Variants in MAP2 observed in about 807,000 individuals in gnomAD.
The protein encoded by MAP2 is microtubule associated protein 2.
MAP2 carries 14 observed loss-of-function variants against 137.6 expected under a neutral mutation model. The ratio of observed to expected loss-of-function variants is 0.10; its 90% CI spans 0.07 to 0.16. The LOEUF is 0.16. MAP2 is among the 10% of genes least tolerant of loss of function. MAP2 has a pLI of 1.00. For missense variants in MAP2, 2,088 were observed against 2,191.5 expected (o/e 0.95, Z 0.94); for synonymous variants, 786 against 782.3 (o/e 1.00, Z -0.08).
At chr2:209,638,398 A>G (rs1161060335) in intron 4 of MAP2, among the ~76,000 whole-genome samples, 1 of 152,102 alleles carries the variant, frequency 6.6e-6, no homozygotes, top group African/African-American at 2.4e-5. Flanking sequence ...GCTACTTTCA[A>G]CTTAGAATTC....
At chr2:209,518,827 G>A (rs2062883613) in intron 2 of MAP2, among the ~76,000 whole-genome samples, 1 of 152,082 alleles carries the variant, frequency 6.6e-6, no homozygotes, top group East Asian at 1.9e-4. Flanking sequence ...CTGAACACAT[G>A]GGAACTAGAT....
chr2:209,498,817 G>C (rs2060051830), intron 1 of MAP2, among the ~76,000 whole-genome samples: 1 of 152,170 alleles, frequency 6.6e-6, no homozygotes, highest in South Asian at 2.1e-4. Flanking sequence ...ATGGGGCCCT[G>C]GACCTGGCCC....
chr2:209,531,808 C>T (rs896291881), intron 2 of MAP2, among the ~76,000 whole-genome samples: 1 of 152,042 alleles, frequency 6.6e-6, no homozygotes, highest in Non-Finnish European at 1.5e-5. Context: ...GGGCATTGAC[C>T]AAATTAGGGT....
intron 4 of MAP2, among the ~76,000 whole-genome samples, chr2:209,652,922 C>A (rs1218100063): frequency 6.6e-6 from 1 of 152,054 alleles, no homozygotes; most frequent in East Asian, 1.9e-4. Context: ...TGTAGAATGA[C>A]ATTGATCTTA....
intron 1 of MAP2, among the ~76,000 whole-genome samples, chr2:209,472,274 G>T (rs577737120): frequency 6.6e-6 from 1 of 152,332 alleles, no homozygotes; most frequent in South Asian, 2.1e-4. Context: ...GCAAGTGTGT[G>T]TCTGGGCTGT....
At chr2:209,570,939 C>G (rs1325154025) in intron 2 of MAP2, among the ~76,000 whole-genome samples, 2 of 151,898 alleles carry the variant, frequency 1.3e-5, no homozygotes, top group African/African-American at 4.8e-5. Flanking sequence ...CAAATACTTT[C>G]ACTTGTTGCC....
At position 209,710,503 on chromosome 2, in the gene MAP2, C is replaced by T. The variant is rs979567625; in HGVS notation, c.5073+249C>T. 1.6e-5 allele frequency: 6 copies of T among 374,468 alleles called. No individual in the cohort carries two copies. In the Middle Eastern group the frequency reaches 2.2e-3, roughly 137 times the overall value. The allele number at this position is 374,468 out of a possible 1,614,324, so 23.2% of individuals were successfully genotyped here. The stretch of plus-strand genomic sequence containing the variant: ...TACCAACTTTTAGTTGATTGACTAA[C>T]TTTTTTTTTTTCTGAATGTATCTCT... On this transcript the variant is annotated intron_variant, in intron 13 of 15. Coordinates refer to ENST00000682079, the MANE Select transcript of MAP2 (RefSeq NM_001375505.1).
At chr2:209,716,470 GATGACTTTGA>G (rs1351979596) in intron 13 of MAP2, among the ~76,000 whole-genome samples, 1 of 152,232 alleles carries the variant, frequency 6.6e-6, no homozygotes, top group Non-Finnish European at 1.5e-5. Context: ...TGTGGTGCAG[GATGACTTTGA>G]ATGTGGCCCA....
At chr2:209,509,958 A>G (rs1249823027) in intron 2 of MAP2, among the ~76,000 whole-genome samples, 3 of 151,628 alleles carry the variant, frequency 2.0e-5, no homozygotes, top group Non-Finnish European at 4.4e-5. Context: ...AATGAATAGC[A>G]TCTTAGATTT....
At chr2:209,620,661 TCTGCTTTCCTATTTAAAAGA>T (rs1304902312) in intron 3 of MAP2, among the ~76,000 whole-genome samples, 1 of 152,198 alleles carries the variant, frequency 6.6e-6, no homozygotes, top group Admixed American at 6.6e-5. Flanking sequence ...TATGTTGGCA[TCTGCTTTCCTATTTAAAAGA>T]CTGCTTGAAT....
At chr2:209,566,119 C>G (rs767340676) in intron 2 of MAP2, among the ~76,000 whole-genome samples, 25 of 152,202 alleles carry the variant, frequency 1.6e-4, no homozygotes, top group Non-Finnish European at 2.5e-4. Context: ...CAAGATAATC[C>G]TCATGATAGG....
intron 5 of MAP2, chr2:209,661,762 T>TTTGGC (rs1392732753): frequency 1.1e-6 from 1 of 886,920 alleles, no homozygotes; most frequent in East Asian, 1.2e-4. Context: ...AATCATAATA[T>TTTGGC]TTGGCTTGGC....
chr2:209,696,061 C>G lies in MAP2; in HGVS notation c.3891C>G (p.Thr1297=), dbSNP rs1280770940. The G allele has an allele frequency of 6.2e-7, 1 of 1,614,070 alleles. No individual in the cohort carries two copies. The highest frequency in any genetic ancestry group is 8.5e-7 in the Non-Finnish European group (1 of 1,180,010). Residue 1297 remains threonine, a synonymous_variant, in exon 8 of 16, where the codon ACC becomes ACG. Coordinates refer to ENST00000682079, the MANE Select transcript of MAP2 (RefSeq NM_001375505.1). ...ATGATTTCATCACTGTAGTGCAAAC[C>G]ACAACTGATGAAGGGGAGTCAGGGT... ...IEDDFITVVQ[T]TTDEGESGSH...
At chr2:209,466,846 G>A (rs1231155145) in intron 1 of MAP2, among the ~76,000 whole-genome samples, 4 of 152,178 alleles carry the variant, frequency 2.6e-5, no homozygotes, top group Admixed American at 2.6e-4. Context: ...AAATAAAAGA[G>A]CTACCTGGCT....
chr2:209,621,292 T>C (rs1196611900), intron 3 of MAP2, among the ~76,000 whole-genome samples: 7 of 140,430 alleles, frequency 5.0e-5, no homozygotes, highest in Non-Finnish European at 1.1e-4. Context: ...AGAGTCTTGC[T>C]GTGTCACCCA....
At position 209,692,655 on chromosome 2, in the gene MAP2, A is replaced by G; in HGVS notation, c.485A>G (p.His162Arg). The G allele has an allele frequency of 1.9e-6, 3 of 1,589,124 alleles. No homozygotes were observed. Among genetic ancestry groups the G allele is most frequent in the Non-Finnish European group, 2.6e-6 (3 of 1,172,842 alleles). ...DLLTASKMEFHDQQELTPSTA... is the reference protein window; with the variant it reads ...DLLTASKMEFRDQQELTPSTA... The stretch of plus-strand genomic sequence containing the variant: ...CTTACAGCCTCGAAGATGGAGTTCC[A>G]CGATCAACAGGAATTGACTCCCTCT... The change falls in exon 8 of 16, where the codon CAC becomes CGC. Residue 162 changes from histidine (H) to arginine (R), a missense_variant. His to Arg is a conservative substitution (Grantham distance 29). Around this residue, in one of 6 missense-constraint regions of MAP2, gnomAD observed 859 missense variants for 794.5 expected, o/e 1.08. Transcript: ENST00000682079.
intron 4 of MAP2, among the ~76,000 whole-genome samples, chr2:209,626,733 A>G (rs2153536169): frequency 6.6e-6 from 1 of 152,280 alleles, no homozygotes; most frequent in African/African-American, 2.4e-5. Context: ...ACCCAATATT[A>G]TATGTAGAGA....
chr2:209,453,077 T>A (rs964528176), intron 1 of MAP2, among the ~76,000 whole-genome samples: 6 of 152,330 alleles, frequency 3.9e-5, no homozygotes, highest in South Asian at 2.1e-4. Context: ...ATATTTTAAG[T>A]GTAGGATAGC....
chr2:209,671,610 G>A (rs1281754795), intron 5 of MAP2, among the ~76,000 whole-genome samples: 6 of 151,856 alleles, frequency 4.0e-5, no homozygotes, highest in African/African-American at 1.4e-4. Flanking sequence ...CGTACGGTAA[G>A]CTTATTTGTC....
Sources: gnomAD v4.1 joint callset for allele counts (sites outside exome capture counted in the v4.1 genomes callset) on GRCh38, gnomAD v4.1.1 for gene constraint, gnomAD v4.1.1 regional missense constraint, MANE v1.5 for transcripts, NCBI Gene and HGNC (gene_info 2026-07-23, HGNC 2026-07-21) for gene names.